The following MICAL2 variants were observed in gnomAD, a reference collection of about 807,000 sequenced individuals.
MICAL2 encodes the protein [F-actin]-monooxygenase MICAL2.
A neutral mutation model predicts 127.3 loss-of-function variants in MICAL2; 77 were observed. The observed-to-expected ratio is 0.60, with a 90% CI of 0.50 to 0.73. The LOEUF (loss-of-function observed/expected upper bound fraction) is 0.73, where lower values mean the gene tolerates loss of function less well. Among genes scored for constraint, MICAL2 ranks in the 30% least tolerant of loss-of-function variants. The probability of loss-of-function intolerance (pLI) is 0.00; values close to 1 mark genes in which losing one functional copy is unlikely to be tolerated. For missense variants in MICAL2, 1,351 were observed against 1,434.4 expected (o/e 0.94, Z 0.94); for synonymous variants, 570 against 551.1 (o/e 1.03, Z -0.48).
intron 15 of MICAL2, among the ~76,000 whole-genome samples, chr11:12,227,641 A>G (rs1212896215): frequency 6.6e-6 from 1 of 152,254 alleles, no homozygotes; most frequent in Non-Finnish European, 1.5e-5. Context: ...GGGAGCAAAT[A>G]TACAGAAGTG....
Position 12,204,287 on chromosome 11 carries a change from C to T in MICAL2, c.302C>T (p.Thr101Ile). 1 of 1,614,130 alleles carries T rather than the reference C, an allele frequency of 6.2e-7. No individual in the cohort carries two copies. The highest frequency in any genetic ancestry group is 8.5e-7 in the Non-Finnish European group (1 of 1,180,030). ...IVGGGPCGLRTAIELAYLGAK... is the reference protein window; with the variant it reads ...IVGGGPCGLRIAIELAYLGAK... ...GGGGGAGGACCCTGTGGCTTGCGCA[C>T]TGCCATTGAACTTGCCTACCTGGGA... is the stretch of plus-strand genomic sequence containing the variant. Residue 101 changes from threonine to isoleucine, a missense_variant, in exon 4 of 28, where the codon ACT becomes ATT. By Grantham distance (89) the Thr-to-Ile change is moderately conservative (BLOSUM62 -1). This residue lies in a region of MICAL2 where 599 missense variants were observed against 714.9 expected (regional missense o/e 0.84). Coordinates refer to ENST00000683283, the MANE Select transcript of MICAL2 (RefSeq NM_001282663.2).
At chr11:12,329,612 G>A (rs1864391768) in intron 32 of MICAL2, among the ~76,000 whole-genome samples, 1 of 152,136 alleles carries the variant, frequency 6.6e-6, no homozygotes, top group Non-Finnish European at 1.5e-5. Flanking sequence ...TCTGAAAAGT[G>A]AAGATAATAA....
intron 1 of MICAL2, among the ~76,000 whole-genome samples, chr11:12,120,947 G>A (rs555865477): frequency 8.6e-4 from 131 of 152,348 alleles, no homozygotes; most frequent in Non-Finnish European, 1.5e-3. Context: ...TGGGGAACAG[G>A]GTGGGGGGCA....
intron 3 of MICAL2, among the ~76,000 whole-genome samples, chr11:12,173,871 C>T (rs1856553327): frequency 2.0e-5 from 3 of 152,112 alleles, no homozygotes; most frequent in Admixed American, 2.0e-4. Context: ...GTTGGAATTT[C>T]ATTCTTTTCT....
chr11:12,170,922 A>C (rs1452899089), intron 3 of MICAL2, among the ~76,000 whole-genome samples: 3 of 152,228 alleles, frequency 2.0e-5, no homozygotes, highest in Non-Finnish European at 4.4e-5. Context: ...GGGAAGATGC[A>C]CAGGGATAGA....
At chr11:12,207,689 A>G (rs1275509491) in intron 4 of MICAL2, 6 of 192,400 alleles carry the variant, frequency 3.1e-5, no homozygotes, top group Non-Finnish European at 6.4e-5. Flanking sequence ...CTCTTGTTAC[A>G]GCATCATCTA....
chr11:12,216,486 A>C, intron 8 of MICAL2, 167 bp downstream of exon 8: 1 of 607,258 alleles, frequency 1.6e-6, no homozygotes, highest in Non-Finnish European at 2.9e-6. Flanking sequence ...GTATTGGATA[A>C]AGGAGCCCAC....
chr11:12,177,005 T>TGG (rs1856913164), intron 3 of MICAL2, among the ~76,000 whole-genome samples: 1 of 152,196 alleles, frequency 6.6e-6, no homozygotes, highest in Non-Finnish European at 1.5e-5. Flanking sequence ...TTAATTCTTT[T>TGG]GGGTATGTGG....
At chr11:12,184,456 TC>T (rs1379522836) in intron 3 of MICAL2, among the ~76,000 whole-genome samples, 1 of 152,184 alleles carries the variant, frequency 6.6e-6, no homozygotes, top group Non-Finnish European at 1.5e-5. Context: ...GTCAGCTGCT[TC>T]TCTGAAATTC....
At position 12,209,582 on chromosome 11, in the gene MICAL2, C is replaced by T. The variant is rs1436223650; in HGVS notation, c.675C>T (p.Arg225=). Residue 225 remains arginine, a synonymous_variant, in exon 6 of 28, where the codon CGC becomes CGT. Coordinates refer to ENST00000683283, the MANE Select transcript of MICAL2 (RefSeq NM_001282663.2). ...ACGTCATCATTGGTGCCGATGGCCG[C>T]AGGAACACCCTGGAAGGTGAAGACT... is the stretch of plus-strand genomic sequence containing the variant. ...EFDVIIGADG[R]RNTLEGFRRK... The T allele has an allele frequency of 1.2e-6, 2 of 1,613,692 alleles. No individual in the cohort carries two copies. The highest frequency in any genetic ancestry group is 1.1e-5 in the South Asian group (1 of 91,060).
At chr11:12,220,509 G>A (rs747381155) in intron 9 of MICAL2, 51 bp downstream of exon 9, 214 of 1,582,114 alleles carry the variant, frequency 1.4e-4, no homozygotes, top group Middle Eastern at 2.3e-4. Flanking sequence ...CAGATCCCAC[G>A]TTTGTATTCT....
intron 32 of MICAL2, among the ~76,000 whole-genome samples, chr11:12,335,373 G>C (rs945343041): frequency 1.9e-4 from 28 of 150,520 alleles, no homozygotes; most frequent in African/African-American, 6.8e-4. Context: ...AGATGAGTAG[G>C]TTGCAAAAAT....
chr11:12,307,177 G>T (rs1864121578), intron 29 of MICAL2, among the ~76,000 whole-genome samples: 1 of 152,132 alleles, frequency 6.6e-6, no homozygotes, highest in African/African-American at 2.4e-5. Flanking sequence ...ATTTTAATTT[G>T]CATTTCCCTA....
At chr11:12,255,951 C>G (rs999028607) in intron 23 of MICAL2, 1 of 519,060 alleles carries the variant, frequency 1.9e-6, no homozygotes, top group African/African-American at 1.9e-5. Flanking sequence ...ACTCAGGTCC[C>G]CTGTGGTCTT....
At chr11:12,355,427 C>G (rs1333729266) in intron 34 of MICAL2, among the ~76,000 whole-genome samples, 1 of 152,170 alleles carries the variant, frequency 6.6e-6, no homozygotes, top group East Asian at 1.9e-4. Context: ...TCAACTGACA[C>G]AGTATACTGC....
intron 3 of MICAL2, among the ~76,000 whole-genome samples, chr11:12,165,928 A>G (rs1855459450): frequency 6.6e-6 from 1 of 152,200 alleles, no homozygotes; most frequent in African/African-American, 2.4e-5. Context: ...ACTGAATATT[A>G]ATAATTCTTT....
intron 1 of MICAL2, among the ~76,000 whole-genome samples, chr11:12,136,274 T>C (rs780635408): frequency 6.6e-6 from 1 of 152,146 alleles, no homozygotes; most frequent in Non-Finnish European, 1.5e-5. Flanking sequence ...GGAGTGAGCA[T>C]GGGCGTGGAC....
At chr11:12,221,537 C>A in intron 9 of MICAL2, 107 bp from the exon 10 acceptor site, 1 of 724,804 alleles carries the variant, frequency 1.4e-6, no homozygotes, top group Non-Finnish European at 2.3e-6. Flanking sequence ...CTCTCTGTCC[C>A]TCCAGTGCCC....
intron 25 of MICAL2, among the ~76,000 whole-genome samples, chr11:12,259,148 G>A (rs1862749977): frequency 6.6e-6 from 1 of 151,970 alleles, no homozygotes; most frequent in Admixed American, 6.6e-5. Flanking sequence ...AAAAACATGG[G>A]AAGGAAAGAA....
Sources: gnomAD v4.1 joint callset for allele counts (sites outside exome capture counted in the v4.1 genomes callset) on GRCh38, gnomAD v4.1.1 for gene constraint, gnomAD v4.1.1 regional missense constraint, MANE v1.5 for transcripts, NCBI Gene and HGNC (gene_info 2026-07-23, HGNC 2026-07-21) for gene names.